The following SRBD1 variants were observed in gnomAD, a reference collection of about 807,000 sequenced individuals.
The protein encoded by SRBD1 is S1 RNA binding domain 1.
SRBD1 carries 88 observed loss-of-function variants against 115.3 expected under a neutral mutation model. The observed-to-expected ratio is 0.76, with a 90% CI of 0.64 to 0.91. SRBD1 has a LOEUF of 0.91. SRBD1 is among the 40% of genes least tolerant of loss of function. The pLI, the probability that SRBD1 is intolerant of heterozygous loss-of-function variation, is 0.00. For missense variants in SRBD1, 1,385 were observed against 1,177.4 expected (o/e 1.18, Z -2.58); for synonymous variants, 509 against 407.7 (o/e 1.25, Z -2.99).
intron 15 of SRBD1, among the ~76,000 whole-genome samples, chr2:45,485,375 A>G (rs1670086511): frequency 6.6e-6 from 1 of 152,170 alleles, no homozygotes; most frequent in Admixed American, 6.6e-5. Flanking sequence ...TGTTGTTGCT[A>G]TCTCCTTTCC....
At chr2:45,601,636 T>C (rs963354598) in intron 3 of SRBD1, among the ~76,000 whole-genome samples, 1 of 152,232 alleles carries the variant, frequency 6.6e-6, no homozygotes, top group Non-Finnish European at 1.5e-5. Context: ...GTTGAGCACA[T>C]TGCCTGGCTA....
At chr2:45,601,549 C>T (rs1674092655) in intron 3 of SRBD1, among the ~76,000 whole-genome samples, 1 of 152,212 alleles carries the variant, frequency 6.6e-6, no homozygotes, top group African/African-American at 2.4e-5. Flanking sequence ...CTTTCTTCAG[C>T]TTTCTCATCT....
At chr2:45,476,523 A>G (rs1669807945) in intron 16 of SRBD1, among the ~76,000 whole-genome samples, 1 of 152,200 alleles carries the variant, frequency 6.6e-6, no homozygotes, top group African/African-American at 2.4e-5. Flanking sequence ...GAATTGCCCA[A>G]TGAACACATA....
At chr2:45,538,979 G>T (rs1306514847) in intron 14 of SRBD1, among the ~76,000 whole-genome samples, 1 of 152,050 alleles carries the variant, frequency 6.6e-6, no homozygotes, top group Non-Finnish European at 1.5e-5. Context: ...CACAGGCATA[G>T]ATATCCTGAG....
In SRBD1 at chr2:45,556,447, A is replaced by ATTTT. The variant is rs1491091849; in HGVS notation, c.1410-2718_1410-2717insAAAA. On this transcript the variant is annotated intron_variant, in intron 10 of 20. Coordinates refer to ENST00000263736, the MANE Select transcript of SRBD1 (RefSeq NM_018079.5). The stretch of plus-strand genomic sequence containing the variant: ...GATCTGTTCTGCTCTATGCTCTATT[A>ATTTT]CTTTTTTTTTTTTTTTTTTTTTTTT... Among the ~76,000 whole-genome samples, 9 of 72,134 alleles carry ATTTT rather than the reference A, an allele frequency of 1.2e-4. 1 individual carries two copies. The highest frequency in any genetic ancestry group is 1.7e-4 in the Non-Finnish European group (6 of 34,986). The allele number at this position is 72,134 out of a possible 152,430, so 47.3% of individuals were successfully genotyped here.
chr2:45,538,083 C>T (rs965254701), intron 14 of SRBD1, among the ~76,000 whole-genome samples: 5 of 152,168 alleles, frequency 3.3e-5, no homozygotes, highest in Non-Finnish European at 5.9e-5. Flanking sequence ...AGCGAAGTAA[C>T]GCAGATGAGA....
intron 16 of SRBD1, among the ~76,000 whole-genome samples, chr2:45,463,410 T>A (rs1008008072): frequency 6.6e-6 from 1 of 152,338 alleles, no homozygotes; most frequent in East Asian, 1.9e-4. Context: ...AAGATCATGA[T>A]CAACTCACAC....
intron 16 of SRBD1, among the ~76,000 whole-genome samples, chr2:45,449,085 A>G (rs1668912604): frequency 6.6e-6 from 1 of 152,230 alleles, no homozygotes; most frequent in Non-Finnish European, 1.5e-5. Context: ...AGATTATTCA[A>G]TTATATGAAC....
chr2:45,571,282 T>G (rs1673000284), intron 9 of SRBD1, among the ~76,000 whole-genome samples: 1 of 152,040 alleles, frequency 6.6e-6, no homozygotes, highest in Non-Finnish European at 1.5e-5. Flanking sequence ...GTTTATTTTG[T>G]TTTTGTTTTT....
intron 7 of SRBD1, among the ~76,000 whole-genome samples, chr2:45,578,604 C>T (rs1018817687): frequency 5.3e-5 from 8 of 152,020 alleles, no homozygotes; most frequent in Admixed American, 5.2e-4. Flanking sequence ...CAGATTAGTA[C>T]ATACTGTGGA....
intron 4 of SRBD1, among the ~76,000 whole-genome samples, chr2:45,590,427 T>C (rs10184435): frequency 0.35 from 52,479 of 152,092 alleles, 10,659 homozygotes; most frequent in African/African-American, 0.58. Flanking sequence ...GGAGTTGATA[T>C]GGTTTGGCTC....
chr2:45,545,587 T>C (rs905463405), intron 14 of SRBD1, among the ~76,000 whole-genome samples: 3 of 152,168 alleles, frequency 2.0e-5, no homozygotes, highest in Admixed American at 1.3e-4. Context: ...AGTGCTTGTG[T>C]TAGTTTCTCA....
At chr2:45,420,187 T>A (rs1019167284) in intron 16 of SRBD1, among the ~76,000 whole-genome samples, 2 of 152,242 alleles carry the variant, frequency 1.3e-5, no homozygotes, top group African/African-American at 4.8e-5. Flanking sequence ...TAAAATCACC[T>A]GTATGGCTTG....
chr2:45,418,321 G>C (rs748876040), intron 18 of SRBD1, 44 bp downstream of exon 18: 1 of 1,595,184 alleles, frequency 6.3e-7, no homozygotes, highest in Admixed American at 1.7e-5. Context: ...ACAGTAACAA[G>C]AGAGGAGGTT....
intron 6 of SRBD1, among the ~76,000 whole-genome samples, chr2:45,580,965 G>A (rs1488435132): frequency 6.6e-6 from 1 of 151,886 alleles, no homozygotes; most frequent in Non-Finnish European, 1.5e-5. Flanking sequence ...TTACAGGCTT[G>A]AGCCACCGCG....
At chr2:45,453,098 G>A (rs1669044344) in intron 16 of SRBD1, among the ~76,000 whole-genome samples, 2 of 151,802 alleles carry the variant, frequency 1.3e-5, no homozygotes, top group Admixed American at 6.6e-5. Context: ...GCAGGGCCCA[G>A]AGCCCAGAAC....
chr2:45,556,013 G>A (rs1672464432), intron 10 of SRBD1, among the ~76,000 whole-genome samples: 1 of 152,050 alleles, frequency 6.6e-6, no homozygotes, highest in Non-Finnish European at 1.5e-5. Flanking sequence ...TCTTAGGCTA[G>A]GAAATGAACT....
At chr2:45,409,222 C>A (rs1369072250) in intron 19 of SRBD1, among the ~76,000 whole-genome samples, 5 of 151,952 alleles carry the variant, frequency 3.3e-5, no homozygotes, top group African/African-American at 9.7e-5. Flanking sequence ...ACCCTGTCCA[C>A]ATCCCCTCCG....
chr2:45,474,513 T>A (rs1669747573), intron 16 of SRBD1, among the ~76,000 whole-genome samples: 1 of 152,248 alleles, frequency 6.6e-6, no homozygotes, highest in Non-Finnish European at 1.5e-5. Context: ...TGGCCTATGT[T>A]AAGGTCAGTG....
Sources: gnomAD v4.1 joint callset for allele counts (sites outside exome capture counted in the v4.1 genomes callset) on GRCh38, gnomAD v4.1.1 for gene constraint, MANE v1.5 for transcripts, NCBI Gene and HGNC (gene_info 2026-07-23, HGNC 2026-07-21) for gene names.